The following SLC5A5 variants were observed in gnomAD, a reference collection of about 807,000 sequenced individuals.
The protein encoded by SLC5A5 is sodium/iodide cotransporter.
Under a neutral mutation model 68.6 loss-of-function variants are expected in SLC5A5, and 56 were observed. The observed-to-expected ratio is 0.82, with a 90% CI of 0.66 to 1.02. The LOEUF (loss-of-function observed/expected upper bound fraction) is 1.02. Among genes scored for constraint, SLC5A5 ranks in the 50% least tolerant of loss-of-function variants. The pLI is 0.00. For missense variants in SLC5A5, 807 were observed against 859.8 expected (o/e 0.94, Z 0.77); for synonymous variants, 398 against 373.0 (o/e 1.07, Z -0.77).
At chr19:17,873,767 A>C (rs553188557) in intron 1 of SLC5A5, among the ~76,000 whole-genome samples, 109 of 151,944 alleles carry the variant, frequency 7.2e-4, no homozygotes, top group African/African-American at 2.4e-3. Context: ...CCTCCCCCCC[A>C]AAAAAATCGT....
rs534823520 is a variant in SLC5A5 at position 17,888,731 on chromosome 19, C to G, written c.1651+276C>G. Among the ~76,000 whole-genome samples, 50 of 151,706 alleles carry G rather than the reference C, an allele frequency of 3.3e-4. 1 individual carries two copies. The highest frequency in any genetic ancestry group is 7.4e-5 in the Non-Finnish European group (5 of 67,964). Reference sequence around the variant, plus strand: ...CATTGCAACCTCCACCTCCCAGATTCAAGCGATTCTCATGTCACAGCCTCC... The same window carrying G: ...CATTGCAACCTCCACCTCCCAGATTGAAGCGATTCTCATGTCACAGCCTCC... On this transcript the variant is annotated intron_variant, in intron 13 of 14. Transcript: ENST00000222248.
At position 17,874,546 on chromosome 19, in the gene SLC5A5, G is replaced by T; in HGVS notation, c.475+1G>T. 6.2e-7 allele frequency: 1 copy of T among 1,613,856 alleles called. No homozygotes were observed. Among genetic ancestry groups the T allele is most frequent in the Non-Finnish European group, 8.5e-7 (1 of 1,179,884 alleles). On this transcript the variant is annotated splice_donor_variant, in intron 3 of 14. Coordinates refer to ENST00000222248, the MANE Select transcript of SLC5A5 (RefSeq NM_000453.3). LOFTEE classifies it high-confidence loss of function. ...GCACCGGCCCTCATCCTGAACCAAGGTGTGACTCTGGGAGATTAGGGAAGC... is the reference window on the plus strand; with the variant it reads ...GCACCGGCCCTCATCCTGAACCAAGTTGTGACTCTGGGAGATTAGGGAAGC...
chr19:17,893,057 G>A (rs1235412633), intron 14 of SLC5A5, among the ~76,000 whole-genome samples: 1 of 99,660 alleles, frequency 1.0e-5, no homozygotes, highest in Admixed American at 9.3e-5. Context: ...TTTCTTTTTT[G>A]TTGTCTTTGT....
At chr19:17,875,876 C>G in intron 4 of SLC5A5, 76 bp from the exon 5 acceptor site, 1 of 1,389,494 alleles carries the variant, frequency 7.2e-7, no homozygotes, top group Non-Finnish European at 1.0e-6. Flanking sequence ...CATAGAAGGG[C>G]ATCAGTCCTA....
rs565664935 is a variant in SLC5A5, at chr19:17,878,226, C to T, written c.969+133C>T. The T allele has an allele frequency of 4.8e-5, 52 of 1,083,006 alleles. No homozygotes were observed. The South Asian group carries it at 6.1e-4, about 13-fold the overall frequency. The allele number at this position is 1,083,006 out of a possible 1,614,324, so 67.1% of individuals were successfully genotyped here. On this transcript the variant is annotated intron_variant, in intron 7 of 14. Coordinates refer to ENST00000222248, the MANE Select transcript of SLC5A5 (RefSeq NM_000453.3). ...GAAGTAGGAAAGAGCTGAGAGGAGG[C>T]CAGGTGCGGCGGCTCATGCCTGTAT...
Position 17,888,359 on chromosome 19 carries a change from T to A in SLC5A5, c.1555T>A (p.Leu519Ile), listed in dbSNP as rs776506631. ...SSGMDASRPA[L>I]ADSFYAISYL... ...AGGAATGGACGCCAGCCGACCCGCCTTAGCTGACAGCTTCTATGCCATCTC... is the reference window on the plus strand; with the variant it reads ...AGGAATGGACGCCAGCCGACCCGCCATAGCTGACAGCTTCTATGCCATCTC... The change falls in exon 13 of 15, where the codon TTA becomes ATA. Residue 519 changes from leucine to isoleucine, a missense_variant. Physicochemically the swap from Leu to Ile is conservative, Grantham distance 5. Coordinates refer to ENST00000222248, the MANE Select transcript of SLC5A5 (RefSeq NM_000453.3). 8.7e-6 allele frequency: 14 copies of A among 1,614,016 alleles called. No individual in the cohort carries two copies. The highest frequency in any genetic ancestry group is 1.2e-5 in the Non-Finnish European group (14 of 1,180,006).
chr19:17,893,608 C>T, intron 14 of SLC5A5, 105 bp from the exon 15 acceptor site: 2 of 1,151,748 alleles, frequency 1.7e-6, no homozygotes, highest in Non-Finnish European at 2.6e-6. Flanking sequence ...TCTGTGCACG[C>T]CCCGTCCCGC....
chr19:17,879,535 G>A (rs1206227148), intron 7 of SLC5A5, among the ~76,000 whole-genome samples: 2 of 152,136 alleles, frequency 1.3e-5, no homozygotes, highest in African/African-American at 2.4e-5. Flanking sequence ...TTGAGGCTCG[G>A]GGGGAAGTCA....
In SLC5A5 at chr19:17,888,380, A is replaced by G. The variant is rs2147751111; in HGVS notation, c.1576A>G (p.Ile526Val). The change falls in exon 13 of 15, where the codon ATC becomes GTC. Residue 526 changes from isoleucine (I) to valine (V), a missense_variant. Ile to Val is a conservative substitution (Grantham distance 29, BLOSUM62 3). Coordinates refer to ENST00000222248, the MANE Select transcript of SLC5A5 (RefSeq NM_000453.3). ...RPALADSFYA[I>V]SYLYYGALGT... The stretch of plus-strand genomic sequence containing the variant: ...CGCCTTAGCTGACAGCTTCTATGCC[A>G]TCTCCTATCTCTATTACGGTGCCCT... The G allele has an allele frequency of 6.2e-7, 1 of 1,613,996 alleles. No homozygotes were observed. The highest frequency in any genetic ancestry group is 8.5e-7 in the Non-Finnish European group (1 of 1,180,030).
chr19:17,876,855 C>T (rs967295284), intron 5 of SLC5A5, among the ~76,000 whole-genome samples: 7 of 150,034 alleles, frequency 4.7e-5, no homozygotes, highest in South Asian at 2.1e-4. Context: ...AGAGAGACTC[C>T]GTCCCCCCCC....
At chr19:17,883,524 G>GC (rs931394647) in intron 10 of SLC5A5, among the ~76,000 whole-genome samples, 157 bp from the exon 11 acceptor site, 1 of 137,084 alleles carries the variant, frequency 7.3e-6, no homozygotes, top group Non-Finnish European at 1.6e-5. Flanking sequence ...CAGGAACAAG[G>GC]GGGGGGGGTC....
chr19:17,872,548 C>T lies in SLC5A5; in HGVS notation c.229C>T (p.Pro77Ser). Residue 77 changes from proline to serine, a missense_variant, in exon 1 of 15, where the codon CCG becomes TCG. Pro to Ser is a moderately conservative substitution (Grantham distance 74). Transcript: ENST00000222248. ...GTCGGCCGTGCAGGTGCTGGGCGTG[C>T]CGTCGGAGGCCTATCGCTATGGCCT... Reference protein sequence around the residue: ...FMSAVQVLGVPSEAYRYGLKF... With the variant: ...FMSAVQVLGVSSEAYRYGLKF... The T allele has an allele frequency of 6.2e-7, 1 of 1,612,622 alleles. No individual in the cohort carries two copies.
intron 12 of SLC5A5, among the ~76,000 whole-genome samples, chr19:17,885,208 G>T (rs1474208439): frequency 1.3e-5 from 2 of 151,388 alleles, no homozygotes; most frequent in Admixed American, 6.6e-5. Context: ...ACAGGGTCTG[G>T]CTATGTTGCC....
At chr19:17,883,130 T>G (rs79573897) in intron 10 of SLC5A5, among the ~76,000 whole-genome samples, 1 of 151,914 alleles carries the variant, frequency 6.6e-6, no homozygotes, top group Non-Finnish European at 1.5e-5. Flanking sequence ...TGGCTAATTT[T>G]AAAACTTGTT....
rs748390336 is a variant in SLC5A5, at chr19:17,888,427, G to A, written c.1623G>A (p.Leu541=). The change falls in exon 13 of 15, where the codon CTG becomes CTA. Residue 541 remains leucine (L), a synonymous_variant. Transcript: ENST00000222248. ...YGALGTLTTV[L]CGALISCLTG... ...CCCTGGGCACGCTGACCACTGTGCT[G>A]TGCGGAGCCCTCATCAGCTGCCTGA... 9.3e-6 allele frequency: 15 copies of A among 1,613,848 alleles called. No individual in the cohort carries two copies. In the East Asian group the frequency reaches 3.3e-4, roughly 36 times the overall value.
chr19:17,892,932 C>T (rs1302848890), intron 14 of SLC5A5, among the ~76,000 whole-genome samples: 1 of 151,974 alleles, frequency 6.6e-6, no homozygotes, highest in African/African-American at 2.4e-5. Flanking sequence ...GTTTAAAGCT[C>T]CCTCCAGCTG....
chr19:17,884,885 G>A (rs1263976813), intron 12 of SLC5A5, among the ~76,000 whole-genome samples: 1 of 151,346 alleles, frequency 6.6e-6, no homozygotes, highest in Non-Finnish European at 1.5e-5. Flanking sequence ...GTACAGATGG[G>A]GTTTCACCAT....
At position 17,877,593 on chromosome 19, in the gene SLC5A5, C is replaced by A; in HGVS notation, c.699-130C>A. The stretch of plus-strand genomic sequence containing the variant: ...AAAGTGCTGGGATTACAGGCATGAG[C>A]CACTGCGCCTGGCCAACAAAACCCA... On this transcript the variant is annotated intron_variant, in intron 5 of 14. Coordinates refer to ENST00000222248, the MANE Select transcript of SLC5A5 (RefSeq NM_000453.3). The A allele has an allele frequency of 3.5e-6, 4 of 1,150,162 alleles. No homozygotes were observed. The Admixed American group carries it at 6.0e-5, about 17-fold the overall frequency. The allele number at this position is 1,150,162 out of a possible 1,614,324, so 71.2% of individuals were successfully genotyped here.
At chr19:17,877,671 G>A (rs563606718) in intron 5 of SLC5A5, 52 bp from the exon 6 acceptor site, 2 of 1,610,792 alleles carry the variant, frequency 1.2e-6, no homozygotes, top group African/African-American at 2.7e-5. Flanking sequence ...CCTTGGGAGG[G>A]TGAAGTCAGC....
Sources: gnomAD v4.1 joint callset for allele counts (sites outside exome capture counted in the v4.1 genomes callset) on GRCh38, gnomAD v4.1.1 for gene constraint, MANE v1.5 for transcripts, NCBI Gene and HGNC (gene_info 2026-07-23, HGNC 2026-07-21) for gene names.